The following ENTREP2 variants were observed in gnomAD, a reference collection of about 807,000 sequenced individuals.
The protein encoded by ENTREP2 is endosomal transmembrane epsin interactor 2.
the ENTREP2 span, among the ~76,000 whole-genome samples, chr15:29,337,491 A>C: frequency 6.6e-6 from 1 of 152,190 alleles, no homozygotes; most frequent in Non-Finnish European, 1.5e-5. Flanking sequence ...GGAAGGCACA[A>C]TGACTGGTTA....
chr15:29,346,479 G>A, the ENTREP2 span, among the ~76,000 whole-genome samples: 1 of 138,036 alleles, frequency 7.2e-6, no homozygotes, highest in Non-Finnish European at 1.5e-5. Flanking sequence ...GACCCAGGCA[G>A]GGGCTGTGGT....
chr15:29,296,487 T>G, the ENTREP2 span, among the ~76,000 whole-genome samples: 2 of 152,166 alleles, frequency 1.3e-5, no homozygotes, highest in African/African-American at 4.8e-5. Context: ...TAAAAAATTG[T>G]TACAAAACTA....
chr15:29,489,656 C>T, the ENTREP2 span, among the ~76,000 whole-genome samples: 2 of 152,220 alleles, frequency 1.3e-5, no homozygotes, highest in African/African-American at 4.8e-5. Flanking sequence ...TGTCATGTCT[C>T]TCTGGATATC....
chr15:29,332,528 T>A, the ENTREP2 span, among the ~76,000 whole-genome samples: 1 of 152,260 alleles, frequency 6.6e-6, no homozygotes, highest in Non-Finnish European at 1.5e-5. Context: ...TGAGTTCCTC[T>A]GCAGCCTGGG....
the ENTREP2 span, among the ~76,000 whole-genome samples, chr15:29,565,397 A>C: frequency 6.6e-6 from 1 of 152,146 alleles, no homozygotes; most frequent in Non-Finnish European, 1.5e-5. Flanking sequence ...TATCCTCAAA[A>C]AAAAAAAAAG....
the ENTREP2 span, among the ~76,000 whole-genome samples, chr15:29,447,851 T>G: frequency 6.6e-6 from 1 of 151,868 alleles, no homozygotes; most frequent in East Asian, 1.9e-4. Flanking sequence ...TTACCTGAGG[T>G]CAGGAGTTCA....
the ENTREP2 span, among the ~76,000 whole-genome samples, chr15:29,134,990 C>T: frequency 9.7e-4 from 148 of 152,082 alleles, 1 homozygote; most frequent in African/African-American, 3.0e-3. Flanking sequence ...GATAACCATC[C>T]GGGGCTCCAC....
the ENTREP2 span, among the ~76,000 whole-genome samples, chr15:29,337,502 C>G: frequency 6.6e-6 from 1 of 152,126 alleles, no homozygotes; most frequent in African/African-American, 2.4e-5. Flanking sequence ...TGACTGGTTA[C>G]AGTGAGATTG....
chr15:29,539,252 C>A, the ENTREP2 span, among the ~76,000 whole-genome samples: 1 of 135,080 alleles, frequency 7.4e-6, no homozygotes, highest in Non-Finnish European at 1.5e-5. Flanking sequence ...AGACCTCATG[C>A]TTCCTAAATC....
the ENTREP2 span, among the ~76,000 whole-genome samples, chr15:29,174,701 AC>A: frequency 0.017 from 2,476 of 147,118 alleles, 137 homozygotes; most frequent in African/African-American, 0.063. Flanking sequence ...ACAAAACAAA[AC>A]AAAACAACAA....
At chr15:29,370,687 T>C in the ENTREP2 span, among the ~76,000 whole-genome samples, 1 of 152,134 alleles carries the variant, frequency 6.6e-6, no homozygotes, top group Non-Finnish European at 1.5e-5. Flanking sequence ...AATCCTGATA[T>C]AGTGAGTCTG....
chr15:29,176,700 T>G, the ENTREP2 span, among the ~76,000 whole-genome samples: 1 of 152,140 alleles, frequency 6.6e-6, no homozygotes, highest in African/African-American at 2.4e-5. Flanking sequence ...ACCTGAAGGC[T>G]GAGGCCGGGC....
chr15:29,444,698 C>T, the ENTREP2 span, among the ~76,000 whole-genome samples: 511 of 152,222 alleles, frequency 3.4e-3, 1 homozygote, highest in Admixed American at 5.0e-3. Context: ...AACTCCTGAC[C>T]TTGTGATCCG....
the ENTREP2 span, among the ~76,000 whole-genome samples, chr15:29,449,544 C>T: frequency 6.6e-6 from 1 of 152,114 alleles, no homozygotes; most frequent in Admixed American, 6.5e-5. Flanking sequence ...AGGACAAAAA[C>T]CTCAGCAGAA....
chr15:29,555,303 A>G, the ENTREP2 span, among the ~76,000 whole-genome samples: 8,048 of 152,204 alleles, frequency 0.053, 719 homozygotes, highest in African/African-American at 0.18. Flanking sequence ...TGTCCTTTCA[A>G]TGCCCGCTAG....
At chr15:29,133,138 G>T in the ENTREP2 span, among the ~76,000 whole-genome samples, 6 of 152,084 alleles carry the variant, frequency 3.9e-5, no homozygotes, top group Admixed American at 3.3e-4. Context: ...CTTCCCTCAC[G>T]GAGGGCCCTG....
At chr15:29,225,013 C>T in the ENTREP2 span, among the ~76,000 whole-genome samples, 78 of 152,318 alleles carry the variant, frequency 5.1e-4, no homozygotes, top group Non-Finnish European at 8.8e-4. Context: ...CCTCACTGCC[C>T]GGGCCGGCGG....
At chr15:29,431,342 T>G in the ENTREP2 span, among the ~76,000 whole-genome samples, 524 of 152,260 alleles carry the variant, frequency 3.4e-3, 3 homozygotes, top group African/African-American at 0.012. Context: ...AATCTAAAAT[T>G]TTGATGAAAC....
chr15:29,300,509 G>A, the ENTREP2 span, among the ~76,000 whole-genome samples: 1 of 152,286 alleles, frequency 6.6e-6, no homozygotes, highest in East Asian at 1.9e-4. Flanking sequence ...TGGAATATAT[G>A]TTGCTATTAG....
Sources: allele counts gnomAD v4.1 joint callset (sites outside exome capture counted in the v4.1 genomes callset), GRCh38; gene constraint gnomAD v4.1.1; transcripts MANE v1.5; gene names NCBI Gene and HGNC (gene_info 2026-07-23, HGNC 2026-07-21).